Variants in LRRC4C observed in about 807,000 individuals in gnomAD.
LRRC4C encodes the protein leucine rich repeat containing 4C, also known as leucine-rich repeat-containing protein 4C.
In LRRC4C, 5 loss-of-function variants were observed where a neutral mutation model predicts 33.6. The ratio of observed to expected loss-of-function variants is 0.15; its 90% confidence interval spans 0.08 to 0.31. The LOEUF is 0.31. LRRC4C is among the 10% of genes least tolerant of loss of function. The pLI, the probability that LRRC4C is intolerant of heterozygous loss-of-function variation, is 1.00. For missense variants in LRRC4C, 560 were observed against 796.7 expected (o/e 0.70, Z 3.58); for synonymous variants, 329 against 302.0 (o/e 1.09, Z -0.93).
intron 5 of LRRC4C, among the ~76,000 whole-genome samples, chr11:40,163,895 G>T (rs985065079): frequency 6.6e-6 from 1 of 152,070 alleles, no homozygotes; most frequent in Non-Finnish European, 1.5e-5. Context: ...ATTATAATTT[G>T]TTTCTATAAC....
chr11:41,442,465 T>TC (rs1955656126), intron 1 of LRRC4C, among the ~76,000 whole-genome samples: 2 of 71,908 alleles, frequency 2.8e-5, no homozygotes, highest in Admixed American at 1.3e-4. Context: ...TTTCTTTTTT[T>TC]TTTTTTTTTT....
At chr11:41,251,150 C>A (rs913921800) in intron 1 of LRRC4C, among the ~76,000 whole-genome samples, 1 of 152,172 alleles carries the variant, frequency 6.6e-6, no homozygotes, top group Non-Finnish European at 1.5e-5. Context: ...ATTTTGCTTA[C>A]TCTTTGAACA....
chr11:41,422,906 G>A (rs1211639137), intron 1 of LRRC4C, among the ~76,000 whole-genome samples: 2 of 152,062 alleles, frequency 1.3e-5, no homozygotes, highest in Non-Finnish European at 2.9e-5. Flanking sequence ...ATGCCAGTGG[G>A]TGAATGATTT....
intron 1 of LRRC4C, among the ~76,000 whole-genome samples, chr11:41,208,803 C>A (rs1011818510): frequency 6.6e-6 from 1 of 152,178 alleles, no homozygotes; most frequent in Non-Finnish European, 1.5e-5. Context: ...GAGGATGGAG[C>A]CACCTCCTTG....
chr11:40,670,453 T>A (rs981296941), intron 2 of LRRC4C, among the ~76,000 whole-genome samples: 1 of 152,228 alleles, frequency 6.6e-6, no homozygotes, highest in Non-Finnish European at 1.5e-5. Context: ...ATCAGACCAA[T>A]GTGAATACCA....
At chr11:40,685,636 G>C (rs994193166) in intron 2 of LRRC4C, among the ~76,000 whole-genome samples, 2 of 151,890 alleles carry the variant, frequency 1.3e-5, no homozygotes, top group African/African-American at 2.4e-5. Context: ...TTACACAAAA[G>C]TGAATAGTTA....
chr11:40,638,371 A>G (rs959801097), intron 3 of LRRC4C, among the ~76,000 whole-genome samples: 3 of 152,170 alleles, frequency 2.0e-5, no homozygotes, highest in Admixed American at 6.5e-5. Flanking sequence ...TAAGCAATGC[A>G]TGTGTCTGGA....
intron 1 of LRRC4C, among the ~76,000 whole-genome samples, chr11:41,102,492 C>T (rs1464462622): frequency 6.6e-6 from 1 of 151,882 alleles, no homozygotes; most frequent in Non-Finnish European, 1.5e-5. Context: ...ATATTCTCTC[C>T]AATAAAAACC....
chr11:40,420,416 C>T (rs989823914), intron 3 of LRRC4C, among the ~76,000 whole-genome samples: 5 of 152,152 alleles, frequency 3.3e-5, no homozygotes, highest in African/African-American at 1.2e-4. Context: ...ACTTTTCCAC[C>T]CAACTTCCCT....
intron 5 of LRRC4C, among the ~76,000 whole-genome samples, chr11:40,236,367 C>T (rs1865558487): frequency 2.6e-5 from 4 of 152,174 alleles, no homozygotes; most frequent in Admixed American, 1.3e-4. Flanking sequence ...TTATTTTCCT[C>T]ATATGACTGC....
At chr11:40,822,260 C>A (rs1298797373) in intron 2 of LRRC4C, among the ~76,000 whole-genome samples, 2 of 151,330 alleles carry the variant, frequency 1.3e-5, no homozygotes, top group African/African-American at 4.8e-5. Flanking sequence ...ATTTGTCTTT[C>A]TGTGCCTGAC....
intron 2 of LRRC4C, among the ~76,000 whole-genome samples, chr11:40,818,006 C>T (rs1951776007): frequency 6.6e-6 from 1 of 151,894 alleles, no homozygotes; most frequent in East Asian, 1.9e-4. Flanking sequence ...TTTGTTTTTC[C>T]CTGAGATTAT....
At chr11:40,396,635 A>G (rs1949552800) in intron 3 of LRRC4C, among the ~76,000 whole-genome samples, 1 of 152,106 alleles carries the variant, frequency 6.6e-6, no homozygotes, top group Admixed American at 6.6e-5. Context: ...GTAAAATCGG[A>G]CATCTATTTT....
intron 3 of LRRC4C, among the ~76,000 whole-genome samples, chr11:40,448,277 G>A (rs1951729441): frequency 1.3e-5 from 2 of 152,040 alleles, no homozygotes; most frequent in Non-Finnish European, 1.5e-5. Context: ...TATGCATTAA[G>A]TTCTGGGACA....
intron 2 of LRRC4C, among the ~76,000 whole-genome samples, chr11:40,886,944 A>T (rs1240615318): frequency 2.0e-5 from 3 of 146,458 alleles, no homozygotes; most frequent in African/African-American, 7.8e-5. Context: ...GTGTACGTAT[A>T]TATACACGTG....
At chr11:40,969,443 C>G (rs901977334) in intron 1 of LRRC4C, among the ~76,000 whole-genome samples, 5 of 132,978 alleles carry the variant, frequency 3.8e-5, no homozygotes, top group African/African-American at 1.4e-4. Flanking sequence ...AAAATGCTAT[C>G]AAACAGCATC....
chr11:40,933,168 GA>G (rs1055634258), intron 2 of LRRC4C, among the ~76,000 whole-genome samples: 43 of 152,324 alleles, frequency 2.8e-4, no homozygotes, highest in African/African-American at 1.0e-3. Flanking sequence ...GTAGGAGTCA[GA>G]AAGTGGAATA....
chr11:40,425,138 AG>A (rs1237116014), intron 3 of LRRC4C, among the ~76,000 whole-genome samples: 5 of 149,906 alleles, frequency 3.3e-5, no homozygotes, highest in African/African-American at 2.5e-5. Context: ...AAAAAAAAAA[AG>A]AACCCTTATG....
chr11:40,326,818 T>A (rs115469150), intron 3 of LRRC4C, among the ~76,000 whole-genome samples: 1,794 of 152,314 alleles, frequency 0.012, 45 homozygotes, highest in African/African-American at 0.042. Context: ...GAGCAATTGA[T>A]CTGAGTTTTT....
Sources: allele counts gnomAD v4.1 joint callset (sites outside exome capture counted in the v4.1 genomes callset), GRCh38; gene constraint gnomAD v4.1.1; transcripts MANE v1.5; gene names NCBI Gene and HGNC (gene_info 2026-07-23, HGNC 2026-07-21).